The following P3H2 variants were observed in gnomAD, a reference collection of about 807,000 sequenced individuals.
P3H2 encodes prolyl 3-hydroxylase 2, also known as leprecan-like 1.
P3H2 carries 80 observed loss-of-function variants against 87.0 expected under a neutral mutation model. The observed-to-expected ratio is 0.92, with a 90% CI of 0.77 to 1.11. The LOEUF is 1.11. Ranked by LOEUF, P3H2 falls within the 50% of genes least tolerant of loss-of-function variation. The pLI is 0.00. For synonymous variants in P3H2, 367 were observed against 359.3 expected, an observed-to-expected ratio of 1.02 and a Z score of -0.24; for missense variants, 1,001 against 923.9, an observed-to-expected ratio of 1.08 and a Z score of -1.08.
chr3:190,094,761 GA>G (rs1727517044), intron 1 of P3H2, among the ~76,000 whole-genome samples: 1 of 152,170 alleles, frequency 6.6e-6, no homozygotes, highest in Non-Finnish European at 1.5e-5. Flanking sequence ...CCAATACAGA[GA>G]AACATCCTTC....
In P3H2 at chr3:189,987,622, A is replaced by G. The variant is rs1255348676; in HGVS notation, c.1003T>C (p.Cys335Arg). ...ALECAKAYLL[C>R]HPDDEDVLDN... ...AGGACATCCTCATCATCTGGATGGCATAGAAGATAGGCTTTGGCACACTCC... is the reference window on the plus strand; with the variant it reads ...AGGACATCCTCATCATCTGGATGGCGTAGAAGATAGGCTTTGGCACACTCC... The change falls in exon 5 of 15, where the codon TGC becomes CGC. Residue 335 changes from cysteine to arginine, a missense_variant. Coordinates refer to ENST00000319332, the MANE Select transcript of P3H2 (RefSeq NM_018192.4). 1 of 1,614,186 alleles carries G rather than the reference A, an allele frequency of 6.2e-7. No individual in the cohort carries two copies.
intron 1 of P3H2, among the ~76,000 whole-genome samples, chr3:190,039,011 G>A (rs1268575851): frequency 3.3e-5 from 5 of 152,066 alleles, no homozygotes; most frequent in Non-Finnish European, 5.9e-5. Flanking sequence ...CCAACATGGA[G>A]AAACCCTGTC....
intron 1 of P3H2, among the ~76,000 whole-genome samples, chr3:190,068,394 T>A (rs1205855861): frequency 1.3e-5 from 2 of 152,130 alleles, no homozygotes; most frequent in Non-Finnish European, 2.9e-5. Context: ...ACTCTATAAG[T>A]GGCCAAGCGG....
intron 1 of P3H2, among the ~76,000 whole-genome samples, chr3:190,071,790 G>A (rs1344585965): frequency 6.6e-6 from 1 of 151,910 alleles, no homozygotes; most frequent in Non-Finnish European, 1.5e-5. Flanking sequence ...TATGATTATA[G>A]GTGATCAATA....
intron 1 of P3H2, among the ~76,000 whole-genome samples, chr3:190,035,250 A>G (rs956608485): frequency 6.6e-6 from 1 of 152,080 alleles, no homozygotes; most frequent in Non-Finnish European, 1.5e-5. Flanking sequence ...TTTATATCAG[A>G]AGACCAGAGT....
At chr3:190,008,948 T>C (rs967147671) in intron 1 of P3H2, among the ~76,000 whole-genome samples, 34 of 151,992 alleles carry the variant, frequency 2.2e-4, no homozygotes, top group African/African-American at 8.0e-4. Flanking sequence ...AGAAATTCTA[T>C]AAGTATTCAA....
At chr3:190,008,519 G>A (rs148240865) in intron 1 of P3H2, among the ~76,000 whole-genome samples, 15 of 152,166 alleles carry the variant, frequency 9.9e-5, no homozygotes, top group African/African-American at 3.4e-4. Flanking sequence ...AATTATATTC[G>A]GTGGTTAAAA....
In P3H2 at chr3:190,022,909, T is replaced by C. The variant is rs554103498; in HGVS notation, c.481-27467A>G. Among the ~76,000 whole-genome samples the C allele has an allele frequency of 6.0e-3, 915 of 152,136 alleles. 5 individuals carry two copies. The highest frequency in any genetic ancestry group is 8.5e-3 in the African/African-American group (354 of 41,528). ...TGGCGCGATCTCGGCTCACTGCAAG[T>C]TCCACCTCCCGGGTTCACGCCATTC... On this transcript the variant is annotated intron_variant, in intron 1 of 14. Transcript: ENST00000319332.
rs1410858043 is a variant in P3H2, at chr3:189,971,838, G to C, written c.1817+52C>G. The C allele has an allele frequency of 5.5e-6, 6 of 1,096,562 alleles. No individual in the cohort carries two copies. In the East Asian group the frequency reaches 1.2e-4, roughly 22 times the overall value. The allele number at this position is 1,096,562 out of a possible 1,614,324, so 67.9% of individuals were successfully genotyped here. On this transcript the variant is annotated intron_variant, in intron 12 of 14. Coordinates refer to ENST00000319332, the MANE Select transcript of P3H2 (RefSeq NM_018192.4). The stretch of plus-strand genomic sequence containing the variant: ...ACAGAGCACCTTTCCAGTTTTCACT[G>C]CTTGAAAACTGTTAGGTAAAAGCTT...
chr3:189,998,651 CAG>C (rs1217573174), intron 1 of P3H2, among the ~76,000 whole-genome samples: 1 of 152,108 alleles, frequency 6.6e-6, no homozygotes, highest in Non-Finnish European at 1.5e-5. Flanking sequence ...TATTTACATA[CAG>C]AGTATATCTA....
At chr3:190,051,582 A>G (rs1377323917) in intron 1 of P3H2, among the ~76,000 whole-genome samples, 2 of 152,256 alleles carry the variant, frequency 1.3e-5, no homozygotes, top group Non-Finnish European at 2.9e-5. Context: ...GAAACCTGCC[A>G]TTTGGCAAAT....
intron 1 of P3H2, among the ~76,000 whole-genome samples, chr3:190,047,839 G>C (rs954296652): frequency 2.0e-5 from 3 of 152,176 alleles, no homozygotes; most frequent in African/African-American, 7.2e-5. Context: ...CAGTTAGATA[G>C]AAGGAATAAG....
Position 189,957,762 on chromosome 3 carries a change from G to T in P3H2, c.*150C>A. On this transcript the variant is annotated 3_prime_UTR_variant, in exon 15 of 15. Transcript: ENST00000319332. ...AACAAGAAAGATAGATTGATAGATTGAGGCAACACAAGCATCCTTAGGAAG... is the reference window on the plus strand; with the variant it reads ...AACAAGAAAGATAGATTGATAGATTTAGGCAACACAAGCATCCTTAGGAAG... 1.5e-6 allele frequency: 1 copy of T among 649,620 alleles called. No homozygotes were observed. 40.2% of individuals were successfully genotyped at this position (649,620 alleles called of 1,614,324 possible). A position where few individuals can be genotyped will look rare whatever the true frequency, so the allele number is the denominator to read the frequency against.
intron 1 of P3H2, among the ~76,000 whole-genome samples, chr3:190,019,317 T>C (rs987978218): frequency 1.3e-5 from 2 of 152,190 alleles, no homozygotes; most frequent in East Asian, 1.9e-4. Context: ...AAAAATAAGG[T>C]ATTTCTTTCC....
intron 1 of P3H2, among the ~76,000 whole-genome samples, chr3:190,059,030 C>T (rs1432817232): frequency 1.3e-5 from 2 of 152,144 alleles, no homozygotes; most frequent in South Asian, 2.1e-4. Context: ...GATCCCCTTT[C>T]TCGATCATTT....
intron 1 of P3H2, among the ~76,000 whole-genome samples, chr3:190,026,740 C>T (rs1375205609): frequency 6.6e-6 from 1 of 152,174 alleles, no homozygotes; most frequent in Non-Finnish European, 1.5e-5. Flanking sequence ...ACCCTGAATT[C>T]TTTCTTGCGG....
intron 14 of P3H2, 67 bp from the exon 15 acceptor site, chr3:189,958,071 C>A (rs760187618): frequency 8.8e-7 from 1 of 1,142,450 alleles, no homozygotes; most frequent in Non-Finnish European, 1.3e-6. Flanking sequence ...GCAGACGCTT[C>A]CCAAACACTT....
chr3:189,993,647 T>A (rs17456841), intron 3 of P3H2, among the ~76,000 whole-genome samples: 3,218 of 152,146 alleles, frequency 0.021, 89 homozygotes, highest in African/African-American at 0.065. Flanking sequence ...TAATGAAAAA[T>A]TTCAGCCTCT....
chr3:190,033,519 GA>G (rs1725321925), intron 1 of P3H2, among the ~76,000 whole-genome samples: 1 of 152,216 alleles, frequency 6.6e-6, no homozygotes, highest in South Asian at 2.1e-4. Context: ...ACTGCAAAAA[GA>G]AAACTTATGA....
Sources: gnomAD v4.1 joint callset for allele counts (sites outside exome capture counted in the v4.1 genomes callset) on GRCh38, gnomAD v4.1.1 for gene constraint, MANE v1.5 for transcripts, NCBI Gene and HGNC (gene_info 2026-07-23, HGNC 2026-07-21) for gene names.